Variants in CPNE4 observed in about 807,000 individuals in gnomAD.
CPNE4 encodes the protein copine 4.
In CPNE4, 25 loss-of-function variants were observed where a neutral mutation model predicts 67.9. The ratio of observed to expected loss-of-function variants is 0.37; its 90% CI spans 0.27 to 0.51. The LOEUF (loss-of-function observed/expected upper bound fraction) is 0.51, where lower values mean the gene tolerates loss of function less well. Ranked by LOEUF, CPNE4 falls within the 20% of genes least tolerant of loss-of-function variation. The probability of loss-of-function intolerance (pLI) is 0.93; values close to 1 mark genes in which losing one functional copy is unlikely to be tolerated. For synonymous variants in CPNE4, 242 were observed against 244.9 expected (o/e 0.99, Z 0.11); for missense variants, 464 against 690.8 (o/e 0.67, Z 3.68).
intron 1 of CPNE4, among the ~76,000 whole-genome samples, chr3:131,985,518 T>A (rs1301159371): frequency 1.3e-5 from 2 of 152,172 alleles, no homozygotes; most frequent in African/African-American, 4.8e-5. Flanking sequence ...TTACAGACAT[T>A]ATAATTTGCC....
intron 1 of CPNE4, among the ~76,000 whole-genome samples, chr3:131,912,970 A>G (rs913749596): frequency 1.3e-5 from 2 of 152,180 alleles, no homozygotes; most frequent in Admixed American, 6.5e-5. Flanking sequence ...CTTCCCCCAG[A>G]TATTACTTAT....
rs1361269201 is a variant in CPNE4, at chr3:131,798,797, G to T, written c.181-75172C>A. On this transcript the variant is annotated intron_variant, in intron 2 of 15. Transcript: ENST00000429747. Reference sequence around the variant, plus strand: ...AATTAGGACACCTCAATGTATATCAGGTGGTATATCATATTCTGTTAATAT... The same window carrying T: ...AATTAGGACACCTCAATGTATATCATGTGGTATATCATATTCTGTTAATAT... 4.6e-5 allele frequency among the ~76,000 whole-genome samples: 7 copies of T among 152,034 alleles called. No homozygotes were observed. In the East Asian group the frequency reaches 1.3e-3, roughly 29 times the overall value.
chr3:131,703,961 G>C (rs2081360679), intron 3 of CPNE4, among the ~76,000 whole-genome samples: 1 of 152,134 alleles, frequency 6.6e-6, no homozygotes, highest in African/African-American at 2.4e-5. Flanking sequence ...AATGAGTTTG[G>C]AATTTATAGG....
At position 131,589,403 on chromosome 3, in the gene CPNE4, G is replaced by A. The variant is rs72999244; in HGVS notation, c.682-1821C>T. Among the ~76,000 whole-genome samples, 337 of 152,244 alleles carry A rather than the reference G, an allele frequency of 2.2e-3. 1 individual carries two copies. Among genetic ancestry groups the A allele is most frequent in the African/African-American group, 7.8e-3 (322 of 41,546 alleles). On this transcript the variant is annotated intron_variant, in intron 7 of 15. Coordinates refer to ENST00000429747, the MANE Select transcript of CPNE4 (RefSeq NM_130808.3). ...GAAAAAGAAGGAAATCAGAAGACTC[G>A]GCAGGCAAGCAAGGTTATAACACCT...
chr3:131,891,155 T>A (rs2088097533), intron 2 of CPNE4, among the ~76,000 whole-genome samples: 1 of 151,986 alleles, frequency 6.6e-6, no homozygotes, highest in African/African-American at 2.4e-5. Context: ...AGATGATGGA[T>A]ATATATATAT....
At chr3:131,924,162 A>AGCTAAC (rs2070827320) in intron 1 of CPNE4, among the ~76,000 whole-genome samples, 1 of 152,218 alleles carries the variant, frequency 6.6e-6, no homozygotes, top group South Asian at 2.1e-4. Context: ...TCAGAAGTAT[A>AGCTAAC]GCTAACGATA....
rs71788145 is a variant in CPNE4 at position 131,737,115 on chromosome 3, C to CTTTTTTTTT, written c.181-13499_181-13491dup. Among the ~76,000 whole-genome samples the CTTTTTTTTT allele has an allele frequency of 2.6e-4, 13 of 49,398 alleles. 1 individual carries two copies. The highest frequency in any genetic ancestry group is 3.8e-4 in the African/African-American group (5 of 13,088). 32.4% of individuals were successfully genotyped at this position (49,398 alleles called of 152,430 possible). On this transcript the variant is annotated intron_variant, in intron 2 of 15. Coordinates refer to ENST00000429747, the MANE Select transcript of CPNE4 (RefSeq NM_130808.3). The stretch of plus-strand genomic sequence containing the variant: ...TGCCTCTTTTTATGAAGTATTGTGT[C>CTTTTTTTTT]TTTTTTTTTTTTTTTTTTTTTTTTT...
intron 2 of CPNE4, among the ~76,000 whole-genome samples, chr3:131,775,991 T>C (rs1274333692): frequency 6.6e-6 from 1 of 152,134 alleles, no homozygotes; most frequent in African/African-American, 2.4e-5. Flanking sequence ...CAGAGGTGGA[T>C]AATTGTGAAG....
At chr3:131,607,302 CA>C (rs1209826777) in intron 7 of CPNE4, among the ~76,000 whole-genome samples, 1 of 151,640 alleles carries the variant, frequency 6.6e-6, no homozygotes, top group African/African-American at 2.4e-5. Context: ...CCTATCCCAC[CA>C]GGCTTATTTC....
chr3:131,573,041 A>G (rs1937414017), intron 10 of CPNE4, among the ~76,000 whole-genome samples: 1 of 152,150 alleles, frequency 6.6e-6, no homozygotes, highest in African/African-American at 2.4e-5. Flanking sequence ...AACATTTAGA[A>G]TGAGAAAGCT....
At chr3:131,779,414 C>T (rs1270759152) in intron 2 of CPNE4, among the ~76,000 whole-genome samples, 2 of 151,846 alleles carry the variant, frequency 1.3e-5, no homozygotes, top group East Asian at 1.9e-4. Context: ...GAGGCATCAC[C>T]CTACCCAACT....
At chr3:132,022,747 C>T (rs2074024517) in intron 1 of CPNE4, among the ~76,000 whole-genome samples, 1 of 152,120 alleles carries the variant, frequency 6.6e-6, no homozygotes, top group Non-Finnish European at 1.5e-5. Flanking sequence ...AGTTGTTCAG[C>T]AAACCAGTGA....
chr3:131,563,727 GTACAAAT>G (rs1287347865), intron 11 of CPNE4, among the ~76,000 whole-genome samples: 1 of 151,956 alleles, frequency 6.6e-6, no homozygotes, highest in Non-Finnish European at 1.5e-5. Context: ...ACGTGATAGT[GTACAAAT>G]TACTTAACCT....
chr3:131,549,501 T>C (rs919556604), intron 14 of CPNE4, among the ~76,000 whole-genome samples: 1 of 152,170 alleles, frequency 6.6e-6, no homozygotes, highest in Admixed American at 6.6e-5. Context: ...TTTGCTGTGA[T>C]GTTTTGTGCT....
intron 2 of CPNE4, among the ~76,000 whole-genome samples, chr3:131,818,714 GC>G (rs1438372356): frequency 6.6e-6 from 1 of 152,200 alleles, no homozygotes; most frequent in Non-Finnish European, 1.5e-5. Flanking sequence ...GAATCTTTGT[GC>G]TAACTCCATG....
intron 1 of CPNE4, among the ~76,000 whole-genome samples, chr3:131,982,726 T>C (rs893415782): frequency 6.6e-6 from 1 of 152,192 alleles, no homozygotes; most frequent in African/African-American, 2.4e-5. Flanking sequence ...TTTTATTATG[T>C]GTGTGAAATA....
chr3:131,596,246 G>C (rs879323890), intron 7 of CPNE4, among the ~76,000 whole-genome samples: 1 of 152,064 alleles, frequency 6.6e-6, no homozygotes, highest in Non-Finnish European at 1.5e-5. Context: ...AGGTGTCTGC[G>C]TATGTCAAAA....
chr3:131,735,666 T>C (rs1318014327), intron 2 of CPNE4, among the ~76,000 whole-genome samples: 1 of 152,172 alleles, frequency 6.6e-6, no homozygotes, highest in Non-Finnish European at 1.5e-5. Flanking sequence ...AAAATATACA[T>C]CTCTATTACA....
intron 5 of CPNE4, among the ~76,000 whole-genome samples, chr3:131,694,329 T>C (rs555924515): frequency 4.6e-5 from 7 of 152,334 alleles, no homozygotes; most frequent in Admixed American, 3.3e-4. Flanking sequence ...AGGGTCCTCC[T>C]TGAGAGCATC....
Sources: allele counts gnomAD v4.1 joint callset (sites outside exome capture counted in the v4.1 genomes callset), GRCh38; gene constraint gnomAD v4.1.1; transcripts MANE v1.5; gene names NCBI Gene and HGNC (gene_info 2026-07-23, HGNC 2026-07-21).